TRIM5: variants seen among roughly 807,000 people sequenced by gnomAD.
TRIM5 encodes tripartite motif containing 5.
Under a neutral mutation model 35.6 loss-of-function variants are expected in TRIM5, and 31 were observed. The observed-to-expected ratio is 0.87, with a 90% confidence interval of 0.65 to 1.18. The LOEUF is 1.18. TRIM5 is among the 50% of genes most tolerant of loss of function. TRIM5 has a pLI of 0.00. For missense variants in TRIM5, 609 were observed against 591.6 expected (o/e 1.03, Z -0.31); for synonymous variants, 243 against 215.6 (o/e 1.13, Z -1.11).
the TRIM5 span, among the ~76,000 whole-genome samples, chr11:5,621,160 T>C: frequency 6.6e-6 from 1 of 152,196 alleles, no homozygotes; most frequent in Non-Finnish European, 1.5e-5. Context: ...CACCCCTTTA[T>C]TGCAATGCCC....
the TRIM5 span, among the ~76,000 whole-genome samples, chr11:5,613,922 T>C: frequency 1.3e-5 from 2 of 152,098 alleles, no homozygotes; most frequent in Non-Finnish European, 2.9e-5. Flanking sequence ...TATAAGTAAA[T>C]TCACTTGGAG....
chr11:5,667,533 C>G (rs942994372), intron 5 of TRIM5, among the ~76,000 whole-genome samples, 156 bp downstream of exon 5: 3 of 152,112 alleles, frequency 2.0e-5, no homozygotes, highest in Admixed American at 1.3e-4. Flanking sequence ...ATAGAACATT[C>G]GAATGCTGAT....
At chr11:5,624,414 C>T in the TRIM5 span, among the ~76,000 whole-genome samples, 1 of 152,192 alleles carries the variant, frequency 6.6e-6, no homozygotes, top group Non-Finnish European at 1.5e-5. Flanking sequence ...CTCTCCGCCA[C>T]CCATCCTCCA....
chr11:5,670,180 T>C (rs1027697856), intron 4 of TRIM5, among the ~76,000 whole-genome samples: 5 of 127,394 alleles, frequency 3.9e-5, no homozygotes, highest in Non-Finnish European at 5.0e-5. Flanking sequence ...CTTTTTTTTT[T>C]TTTTTTTTTT....
At chr11:5,643,031 C>T in the TRIM5 span, 23 of 1,277,488 alleles carry the variant, frequency 1.8e-5, no homozygotes, top group East Asian at 5.1e-5. Flanking sequence ...TTCCCAAGTT[C>T]GTTCATCACC....
chr11:5,667,245 C>T (rs573202960), intron 5 of TRIM5, among the ~76,000 whole-genome samples: 2 of 152,154 alleles, frequency 1.3e-5, no homozygotes, highest in African/African-American at 2.4e-5. Flanking sequence ...CTCACTTTGT[C>T]GCCCAGACTG....
the TRIM5 span, among the ~76,000 whole-genome samples, chr11:5,598,626 C>G: frequency 6.6e-6 from 1 of 152,134 alleles, no homozygotes; most frequent in African/African-American, 2.4e-5. Flanking sequence ...CTTTTTTAAA[C>G]TAAATCTTCA....
the TRIM5 span, among the ~76,000 whole-genome samples, chr11:5,641,638 G>A: frequency 6.6e-5 from 10 of 152,094 alleles, no homozygotes; most frequent in Non-Finnish European, 4.4e-5. Flanking sequence ...ATTATGCAAG[G>A]TTCTCTTTAG....
At chr11:5,672,432 A>G (rs1353929218) in intron 4 of TRIM5, among the ~76,000 whole-genome samples, 1 of 152,052 alleles carries the variant, frequency 6.6e-6, no homozygotes, top group Non-Finnish European at 1.5e-5. Flanking sequence ...GCTGGTCTTG[A>G]ACTCCTGATC....
the TRIM5 span, among the ~76,000 whole-genome samples, chr11:5,615,487 T>C: frequency 4.6e-5 from 7 of 152,208 alleles, no homozygotes; most frequent in Non-Finnish European, 1.0e-4. Context: ...TTTCTCATTA[T>C]GGAATGACCC....
the TRIM5 span, among the ~76,000 whole-genome samples, chr11:5,652,522 A>G: frequency 2.6e-5 from 4 of 152,076 alleles, no homozygotes; most frequent in Non-Finnish European, 5.9e-5. Context: ...CCATCAGTCT[A>G]TATGTCTGCT....
the TRIM5 span, among the ~76,000 whole-genome samples, chr11:5,608,056 A>G: frequency 1.3e-5 from 2 of 152,228 alleles, no homozygotes; most frequent in African/African-American, 4.8e-5. Flanking sequence ...TTATGACTTC[A>G]TCATCTGAGG....
At chr11:5,618,077 T>C in the TRIM5 span, among the ~76,000 whole-genome samples, 1 of 152,252 alleles carries the variant, frequency 6.6e-6, no homozygotes, top group Non-Finnish European at 1.5e-5. Flanking sequence ...CTTATTTATG[T>C]ATCATCTGTG....
chr11:5,676,679 A>G (rs910002091), intron 4 of TRIM5, among the ~76,000 whole-genome samples: 1 of 150,086 alleles, frequency 6.7e-6, no homozygotes, highest in Admixed American at 6.7e-5. Flanking sequence ...AGCTGGAGGC[A>G]TCACACTACC....
the TRIM5 span, chr11:5,605,029 C>G: frequency 8.9e-6 from 4 of 451,454 alleles, no homozygotes; most frequent in South Asian, 8.9e-5. Context: ...CCTCAGTACT[C>G]GAAATTGGAA....
the TRIM5 span, among the ~76,000 whole-genome samples, chr11:5,638,240 A>G: frequency 6.6e-6 from 1 of 152,240 alleles, no homozygotes; most frequent in African/African-American, 2.4e-5. Context: ...TCAAATAAAG[A>G]GATTCAAGTT....
At chr11:5,668,986 T>G (rs931399919) in intron 4 of TRIM5, among the ~76,000 whole-genome samples, 3 of 152,098 alleles carry the variant, frequency 2.0e-5, no homozygotes, top group African/African-American at 4.8e-5. Flanking sequence ...TATACCACAT[T>G]GTCCATAATA....
the TRIM5 span, chr11:5,608,381 G>A: frequency 6.2e-7 from 1 of 1,613,704 alleles, no homozygotes; most frequent in Non-Finnish European, 8.5e-7. Flanking sequence ...GGATGTGAGT[G>A]ATGTCACAGA....
chr11:5,605,158 T>C, the TRIM5 span: 1 of 812,686 alleles, frequency 1.2e-6, no homozygotes, highest in Non-Finnish European at 2.0e-6. Flanking sequence ...TGGGCAGAGC[T>C]GAAGGGAGAA....
Sources: gnomAD v4.1 joint callset for allele counts (sites outside exome capture counted in the v4.1 genomes callset) on GRCh38, gnomAD v4.1.1 for gene constraint, MANE v1.5 for transcripts, NCBI Gene and HGNC (gene_info 2026-07-23, HGNC 2026-07-21) for gene names.